Variants in CCDC149 observed in about 807,000 individuals in gnomAD.
CCDC149 encodes the protein coiled-coil domain-containing protein 149.
CCDC149 carries 45 observed loss-of-function variants against 59.9 expected under a neutral mutation model. The observed-to-expected ratio is 0.75, with a 90% CI of 0.59 to 0.96. The LOEUF is 0.96. CCDC149 is among the 40% of genes least tolerant of loss of function. The pLI, the probability that CCDC149 is intolerant of heterozygous loss-of-function variation, is 0.00. For missense variants in CCDC149, 584 were observed against 664.7 expected, an observed-to-expected ratio of 0.88 and a Z score of 1.33; for synonymous variants, 245 against 260.6, an observed-to-expected ratio of 0.94 and a Z score of 0.58.
At chr4:24,822,062 C>G (rs1302476223) in intron 10 of CCDC149, among the ~76,000 whole-genome samples, 2 of 152,130 alleles carry the variant, frequency 1.3e-5, no homozygotes, top group Admixed American at 6.5e-5. Flanking sequence ...AATTTTAGGA[C>G]TGGTGATTAA....
rs141997965 is a variant in CCDC149 at position 24,946,676 on chromosome 4, C to T, written c.-65+33393G>A. ...AAAGGAATATATGTTAAATGGCAGT[C>T]TAAGGAGTCCACAGTGAATATATGA... is the stretch of plus-strand genomic sequence containing the variant. On this transcript the variant is annotated intron_variant, in intron 1 of 12. Transcript: ENST00000389609. Among the ~76,000 whole-genome samples the T allele has an allele frequency of 4.8e-3, 726 of 152,268 alleles. 5 individuals carry two copies. The highest frequency in any genetic ancestry group is 8.5e-3 in the Non-Finnish European group (581 of 68,032).
chr4:24,827,169 T>C (rs1715804270), intron 9 of CCDC149: 1 of 152,314 alleles, frequency 6.6e-6, no homozygotes, highest in South Asian at 2.1e-4. Flanking sequence ...ACACAGGAAC[T>C]GCACTACCGT....
upstream of CCDC149, among the ~76,000 whole-genome samples, chr4:24,915,975 T>C (rs1242669411): frequency 6.6e-6 from 1 of 152,218 alleles, no homozygotes; most frequent in Non-Finnish European, 1.5e-5. Flanking sequence ...TTAACTTTTT[T>C]CAAAGAAGAA....
At chr4:24,818,711 G>A (rs1715173407) in intron 12 of CCDC149, among the ~76,000 whole-genome samples, 1 of 152,192 alleles carries the variant, frequency 6.6e-6, no homozygotes, top group South Asian at 2.1e-4. Context: ...ATAGCTGCTT[G>A]AGCGTCCTCA....
At chr4:24,820,223 T>C (rs1715303162) in intron 11 of CCDC149, 1 of 430,864 alleles carries the variant, frequency 2.3e-6, no homozygotes, top group Non-Finnish European at 4.1e-6. Flanking sequence ...GCCATTTTTT[T>C]CTTTCCTCTC....
At chr4:24,850,587 G>A (rs1717597604) in intron 4 of CCDC149, among the ~76,000 whole-genome samples, 1 of 152,184 alleles carries the variant, frequency 6.6e-6, no homozygotes, top group Non-Finnish European at 1.5e-5. Context: ...GTGACCAGGA[G>A]CAAGGATGTG....
chr4:24,968,451 T>A (rs1723868529), intron 1 of CCDC149, among the ~76,000 whole-genome samples: 1 of 152,136 alleles, frequency 6.6e-6, no homozygotes, highest in South Asian at 2.1e-4. Context: ...GGGTACCTAC[T>A]TGGAGCAGCA....
At chr4:24,909,531 C>T (rs1721745969) in intron 1 of CCDC149, among the ~76,000 whole-genome samples, 1 of 152,096 alleles carries the variant, frequency 6.6e-6, no homozygotes, top group African/African-American at 2.4e-5. Flanking sequence ...GGGCTGCAAC[C>T]CCAGGCACTT....
At chr4:24,888,727 ATTAACAC>A (rs1577454241) in intron 1 of CCDC149, among the ~76,000 whole-genome samples, 1 of 152,184 alleles carries the variant, frequency 6.6e-6, no homozygotes, top group Non-Finnish European at 1.5e-5. Context: ...GCCCTGCAAC[ATTAACAC>A]CCTCGCACCT....
At chr4:24,805,321 C>T (rs1220596017), downstream of CCDC149, among the ~76,000 whole-genome samples, 3 of 152,160 alleles carry the variant, frequency 2.0e-5, no homozygotes, top group Non-Finnish European at 2.9e-5. Context: ...ATTCCACCTA[C>T]AGAACAGGAC....
At chr4:24,911,839 C>T (rs1374006749) in intron 1 of CCDC149, among the ~76,000 whole-genome samples, 1 of 152,168 alleles carries the variant, frequency 6.6e-6, no homozygotes, top group African/African-American at 2.4e-5. Flanking sequence ...CTTCCCATAA[C>T]CCACAAGGAA....
At chr4:24,914,575 C>A (rs531174272), upstream of CCDC149, among the ~76,000 whole-genome samples, 2 of 123,022 alleles carry the variant, frequency 1.6e-5, no homozygotes, top group Non-Finnish European at 3.4e-5. Context: ...GCCCCCTCCA[C>A]GCCCCCCCAC....
chr4:24,976,730 AAAAC>A (rs1170019079), intron 1 of CCDC149, among the ~76,000 whole-genome samples: 4 of 152,140 alleles, frequency 2.6e-5, no homozygotes, highest in Non-Finnish European at 5.9e-5. Context: ...AAAAAAACAA[AAAAC>A]AAAAAGTGTG....
At chr4:24,862,416 C>T (rs1202907247) in intron 3 of CCDC149, among the ~76,000 whole-genome samples, 2 of 152,196 alleles carry the variant, frequency 1.3e-5, no homozygotes, top group Admixed American at 6.5e-5. Context: ...CAGTTAATCC[C>T]CTGCTGGTCA....
chr4:24,972,085 TGGCCCAACCACCTTG>T (rs1310752003), intron 1 of CCDC149, among the ~76,000 whole-genome samples: 1 of 152,202 alleles, frequency 6.6e-6, no homozygotes, highest in East Asian at 1.9e-4. Context: ...AACCAAGTTG[TGGCCCAACCACCTTG>T]GGCACATTCT....
chr4:24,895,553 A>G (rs1309800391), intron 1 of CCDC149, among the ~76,000 whole-genome samples: 1 of 152,056 alleles, frequency 6.6e-6, no homozygotes. Flanking sequence ...ATCCACTGTT[A>G]CCCAAGGCAT....
chr4:24,820,418 A>T (rs1577380454), intron 11 of CCDC149, among the ~76,000 whole-genome samples: 1 of 152,248 alleles, frequency 6.6e-6, no homozygotes, highest in East Asian at 1.9e-4. Flanking sequence ...TTGGTAAATG[A>T]GAGAGAGTTG....
At chr4:24,907,519 A>G (rs1227468652) in intron 1 of CCDC149, among the ~76,000 whole-genome samples, 1 of 152,166 alleles carries the variant, frequency 6.6e-6, no homozygotes, top group Non-Finnish European at 1.5e-5. Flanking sequence ...TAAATGGAGC[A>G]TCCCAGGGTT....
At chr4:24,866,379 A>T (rs764121909) in intron 3 of CCDC149, among the ~76,000 whole-genome samples, 2 of 152,160 alleles carry the variant, frequency 1.3e-5, no homozygotes, top group African/African-American at 4.8e-5. Flanking sequence ...CACCGGGAAA[A>T]TGTACCTCTG....
Sources: allele counts gnomAD v4.1 joint callset (sites outside exome capture counted in the v4.1 genomes callset), GRCh38; gene constraint gnomAD v4.1.1; transcripts MANE v1.5; gene names NCBI Gene and HGNC (gene_info 2026-07-23, HGNC 2026-07-21).